The following ATRNL1 variants were observed in gnomAD, a reference collection of about 807,000 sequenced individuals.
ATRNL1 encodes attractin like 1.
ATRNL1 carries 95 observed loss-of-function variants against 182.7 expected under a neutral mutation model. The ratio of observed to expected loss-of-function variants is 0.52; its 90% CI spans 0.44 to 0.62. The LOEUF is 0.62. ATRNL1 is among the 20% of genes least tolerant of loss of function. ATRNL1 has a pLI of 0.00. For synonymous variants in ATRNL1, 576 were observed against 568.3 expected, an observed-to-expected ratio of 1.01 and a Z score of -0.19; for missense variants, 1,471 against 1,679.5, an observed-to-expected ratio of 0.88 and a Z score of 2.17.
chr10:115,140,545 C>T (rs1845716287), intron 5 of ATRNL1, among the ~76,000 whole-genome samples: 1 of 152,106 alleles, frequency 6.6e-6, no homozygotes, highest in Non-Finnish European at 1.5e-5. Context: ...TCCTATTCTA[C>T]AGAGAACAGT....
At chr10:115,261,682 T>A (rs1851397369) in intron 10 of ATRNL1, among the ~76,000 whole-genome samples, 1 of 152,172 alleles carries the variant, frequency 6.6e-6, no homozygotes, top group South Asian at 2.1e-4. Flanking sequence ...TGTAGTATGC[T>A]ACCTGGCTTA....
At chr10:115,150,189 C>T (rs1044031003) in intron 5 of ATRNL1, among the ~76,000 whole-genome samples, 10 of 151,734 alleles carry the variant, frequency 6.6e-5, no homozygotes, top group Non-Finnish European at 8.8e-5. Context: ...TCAGTTGTAA[C>T]GTGTCCTTTT....
intron 26 of ATRNL1, among the ~76,000 whole-genome samples, chr10:115,716,193 G>T (rs1368578588): frequency 1.3e-5 from 2 of 151,994 alleles, no homozygotes; most frequent in African/African-American, 4.8e-5. Context: ...TCTTCCAATG[G>T]AGACTTAAAA....
chr10:115,836,381 C>G (rs1433501606), intron 27 of ATRNL1, among the ~76,000 whole-genome samples: 1 of 152,142 alleles, frequency 6.6e-6, no homozygotes, highest in Non-Finnish European at 1.5e-5. Flanking sequence ...TGGTTTGTGA[C>G]TAGGGAGACT....
At chr10:115,275,469 C>T (rs1554914575) in intron 13 of ATRNL1, among the ~76,000 whole-genome samples, 1 of 152,196 alleles carries the variant, frequency 6.6e-6, no homozygotes, top group Non-Finnish European at 1.5e-5. Flanking sequence ...TCATGCTCAA[C>T]TCACCAATGC....
intron 26 of ATRNL1, among the ~76,000 whole-genome samples, chr10:115,677,259 C>T (rs1435435010): frequency 6.6e-6 from 1 of 152,028 alleles, no homozygotes; most frequent in African/African-American, 2.4e-5. Context: ...GATATGGCCA[C>T]AGGTAGAGGT....
At chr10:115,628,976 TCTCTCATTTTTATTCCATTA>T (rs1358331241) in intron 26 of ATRNL1, among the ~76,000 whole-genome samples, 7 of 152,264 alleles carry the variant, frequency 4.6e-5, no homozygotes, top group African/African-American at 9.6e-5. Flanking sequence ...TATGAGTTTA[TCTCTCATTTTTATTCCATTA>T]CTCTCATTTT....
At chr10:115,342,422 A>G (rs1267323740) in intron 19 of ATRNL1, among the ~76,000 whole-genome samples, 1 of 152,100 alleles carries the variant, frequency 6.6e-6, no homozygotes, top group Non-Finnish European at 1.5e-5. Flanking sequence ...TTTTAACCTA[A>G]TAACAACTTG....
At chr10:115,559,787 G>C (rs913927637) in intron 26 of ATRNL1, among the ~76,000 whole-genome samples, 1 of 152,082 alleles carries the variant, frequency 6.6e-6, no homozygotes, top group Non-Finnish European at 1.5e-5. Context: ...CCCACATCTG[G>C]CATCATACTT....
chr10:115,834,230 A>C (rs903040211), intron 27 of ATRNL1, among the ~76,000 whole-genome samples: 12 of 152,198 alleles, frequency 7.9e-5, no homozygotes, highest in South Asian at 2.1e-4. Flanking sequence ...CTGGCATCCC[A>C]TTAGAAACTA....
At chr10:115,425,772 G>A (rs1259291273) in intron 20 of ATRNL1, among the ~76,000 whole-genome samples, 1 of 151,990 alleles carries the variant, frequency 6.6e-6, no homozygotes, top group African/African-American at 2.4e-5. Flanking sequence ...AGATTAATTG[G>A]TGTAGAAACT....
At chr10:115,264,238 T>C (rs1473796760) in intron 10 of ATRNL1, among the ~76,000 whole-genome samples, 2 of 151,724 alleles carry the variant, frequency 1.3e-5, no homozygotes, top group East Asian at 1.9e-4. Context: ...TAATAAAATA[T>C]TGAGTTGAAA....
rs545406548 is a variant in ATRNL1, at chr10:115,945,474, A to T, written c.*695A>T. The T allele has an allele frequency of 6.6e-6, 1 of 152,320 alleles. No individual in the cohort carries two copies. The highest frequency in any genetic ancestry group is 1.5e-5 in the Non-Finnish European group (1 of 68,034). 9.4% of individuals were successfully genotyped at this position (152,320 alleles called of 1,614,324 possible). A position where few individuals can be genotyped will look rare whatever the true frequency, so the allele number is the denominator to read the frequency against. Reference sequence around the variant, plus strand: ...ATCCATGCCAACTACCTAACTCGTTATCAGAGCTGATAGAGCATGGAAAAG... The same window carrying T: ...ATCCATGCCAACTACCTAACTCGTTTTCAGAGCTGATAGAGCATGGAAAAG... On this transcript the variant is annotated 3_prime_UTR_variant, in exon 29 of 29. Coordinates refer to ENST00000355044, the MANE Select transcript of ATRNL1 (RefSeq NM_207303.4).
At chr10:115,843,399 A>G (rs1950855622) in intron 27 of ATRNL1, among the ~76,000 whole-genome samples, 1 of 152,070 alleles carries the variant, frequency 6.6e-6, no homozygotes, top group Admixed American at 6.6e-5. Flanking sequence ...AGTAGAAAAT[A>G]AAGAGGGTCA....
intron 5 of ATRNL1, among the ~76,000 whole-genome samples, chr10:115,140,071 G>T (rs1845695036): frequency 6.6e-6 from 1 of 152,146 alleles, no homozygotes; most frequent in Non-Finnish European, 1.5e-5. Flanking sequence ...CCTTTCAGTA[G>T]GTACTGCATG....
chr10:115,467,849 CTTTAA>C (rs1280647106), intron 23 of ATRNL1, among the ~76,000 whole-genome samples: 2 of 150,526 alleles, frequency 1.3e-5, no homozygotes, highest in African/African-American at 2.4e-5. Context: ...TGTATTCTTA[CTTTAA>C]TTTTAGTTTT....
rs572444428 is a variant in ATRNL1, at chr10:115,753,421, C to T, written c.3903+26066C>T. On this transcript the variant is annotated intron_variant, in intron 27 of 28. Coordinates refer to ENST00000355044, the MANE Select transcript of ATRNL1 (RefSeq NM_207303.4). ...ACTACCACTTATGAGTCAGAACATG[C>T]GGTGTTTGGTTTTCCGTTCTCGTGT... Among the ~76,000 whole-genome samples, 63 of 152,156 alleles carry T rather than the reference C, an allele frequency of 4.1e-4. No homozygotes were observed. In the South Asian group the frequency reaches 0.012, roughly 29 times the overall value.
At chr10:115,812,544 T>A (rs111553596) in intron 27 of ATRNL1, among the ~76,000 whole-genome samples, 1 of 152,146 alleles carries the variant, frequency 6.6e-6, no homozygotes, top group African/African-American at 2.4e-5. Flanking sequence ...TGGCACGATC[T>A]CGGCTCACTG....
At chr10:115,591,760 G>A (rs2769407) in intron 26 of ATRNL1, among the ~76,000 whole-genome samples, 44,396 of 152,082 alleles carry the variant, frequency 0.29, 7,673 homozygotes, top group East Asian at 0.68. Context: ...ATGGAAAGCA[G>A]CTGATTACTC....
Sources: allele counts gnomAD v4.1 joint callset (sites outside exome capture counted in the v4.1 genomes callset), GRCh38; gene constraint gnomAD v4.1.1; transcripts MANE v1.5; gene names NCBI Gene and HGNC (gene_info 2026-07-23, HGNC 2026-07-21).